Variants in SH3BGRL2 observed in about 807,000 individuals in gnomAD.
SH3BGRL2 encodes the protein SH3 domain-binding glutamic acid-rich-like protein 2.
In SH3BGRL2, 21 loss-of-function variants were observed where a neutral mutation model predicts 14.8. The observed-to-expected ratio is 1.42, with a 90% CI of 1.01 to 2.05. The LOEUF is 2.05. SH3BGRL2 is among the 30% of genes most tolerant of loss of function. SH3BGRL2 has a pLI of 0.00. For synonymous variants in SH3BGRL2, 50 were observed against 47.8 expected (o/e 1.05, Z -0.19); for missense variants, 147 against 130.8 (o/e 1.12, Z -0.61).
At chr6:79,641,617 G>C (rs867997266) in intron 1 of SH3BGRL2, among the ~76,000 whole-genome samples, 78 of 152,156 alleles carry the variant, frequency 5.1e-4, no homozygotes, top group African/African-American at 1.8e-3. Context: ...GCATAGAAAA[G>C]CTCTTATGAG....
At chr6:79,552,801 A>G in the SH3BGRL2 span, 1 of 152,368 alleles carries the variant, frequency 6.6e-6, no homozygotes, top group South Asian at 2.1e-4. Flanking sequence ...CCTTTGGGAA[A>G]GTTCTCAGAT....
chr6:79,563,956 A>G, the SH3BGRL2 span, among the ~76,000 whole-genome samples: 1 of 152,226 alleles, frequency 6.6e-6, no homozygotes, highest in African/African-American at 2.4e-5. Flanking sequence ...CTGAAGCTGG[A>G]AAAGCTGTGC....
At position 79,657,817 on chromosome 6, in the gene SH3BGRL2, A is replaced by G. The variant is rs1038442352; in HGVS notation, c.46-15797A>G. On this transcript the variant is annotated intron_variant, in intron 1 of 3. Transcript: ENST00000369838. ...TTTTAAATTTTAATTTGCTTCTAGT[A>G]TTATCCTACTTAGCCATTTTTAAAT... 2.0e-5 allele frequency among the ~76,000 whole-genome samples: 3 copies of G among 152,100 alleles called. No individual in the cohort carries two copies. The South Asian group carries it at 6.2e-4, about 32-fold the overall frequency.
At chr6:79,585,872 C>T in the SH3BGRL2 span, among the ~76,000 whole-genome samples, 1 of 151,728 alleles carries the variant, frequency 6.6e-6, no homozygotes, top group Non-Finnish European at 1.5e-5. Flanking sequence ...TGAATGCAGC[C>T]CAACACAAAT....
intron 1 of SH3BGRL2, among the ~76,000 whole-genome samples, chr6:79,636,843 A>G (rs1394284): frequency 0.3 from 46,216 of 151,972 alleles, 7,634 homozygotes; most frequent in South Asian, 0.45. Context: ...CTGTTTTTAT[A>G]AGGACACAGC....
chr6:79,649,081 A>C (rs1364030358), intron 1 of SH3BGRL2, among the ~76,000 whole-genome samples: 1 of 152,200 alleles, frequency 6.6e-6, no homozygotes, highest in African/African-American at 2.4e-5. Flanking sequence ...CTGTTAATGA[A>C]ACAGGCAGAA....
chr6:79,656,502 G>A lies in SH3BGRL2; in HGVS notation c.46-17112G>A, dbSNP rs138651025. On this transcript the variant is annotated intron_variant, in intron 1 of 3. Coordinates refer to ENST00000369838, the MANE Select transcript of SH3BGRL2 (RefSeq NM_031469.4). ...ATGTGGAAAATACTCCTGGGACGAC[G>A]TATCACAATACATAAAAGGACCATA... Among the ~76,000 whole-genome samples, 278 of 152,192 alleles carry A rather than the reference G, an allele frequency of 1.8e-3. 4 individuals carry two copies. Among genetic ancestry groups the A allele is most frequent in the East Asian group, 2.1e-3 (11 of 5,172 alleles).
At chr6:79,545,657 G>A in the SH3BGRL2 span, among the ~76,000 whole-genome samples, 1 of 152,136 alleles carries the variant, frequency 6.6e-6, no homozygotes, top group Admixed American at 6.5e-5. Context: ...AAAGCATGGA[G>A]GACCTGCATA....
the SH3BGRL2 span, among the ~76,000 whole-genome samples, chr6:79,571,367 A>G: frequency 6.6e-6 from 1 of 152,226 alleles, no homozygotes; most frequent in Non-Finnish European, 1.5e-5. Context: ...CTTTTATTAG[A>G]TTATAAACAC....
At chr6:79,684,193 C>G (rs1582736734) in intron 2 of SH3BGRL2, among the ~76,000 whole-genome samples, 1 of 152,246 alleles carries the variant, frequency 6.6e-6, no homozygotes, top group Middle Eastern at 3.4e-3. Flanking sequence ...CCTCATATAC[C>G]CAGTTGATTA....
At chr6:79,628,555 C>T (rs965071207), upstream of SH3BGRL2, among the ~76,000 whole-genome samples, 2 of 152,256 alleles carry the variant, frequency 1.3e-5, no homozygotes, top group South Asian at 2.1e-4. Flanking sequence ...ATCTAATACT[C>T]TCTGTGGTCT....
chr6:79,595,918 A>G, the SH3BGRL2 span, among the ~76,000 whole-genome samples: 4 of 152,194 alleles, frequency 2.6e-5, no homozygotes, highest in Admixed American at 2.0e-4. Flanking sequence ...TGTATTTAGA[A>G]AATCCTACGG....
chr6:79,610,250 A>G, the SH3BGRL2 span, among the ~76,000 whole-genome samples: 2 of 152,228 alleles, frequency 1.3e-5, no homozygotes, highest in Admixed American at 6.5e-5. Context: ...ATAACCTTGC[A>G]TAGTCTCTTA....
chr6:79,577,609 A>G, the SH3BGRL2 span, among the ~76,000 whole-genome samples: 1 of 152,224 alleles, frequency 6.6e-6, no homozygotes, highest in African/African-American at 2.4e-5. Flanking sequence ...GACAAAAAAA[A>G]TAAAGCTGCT....
chr6:79,590,424 G>GATGTATAT, the SH3BGRL2 span, among the ~76,000 whole-genome samples: 1 of 66,666 alleles, frequency 1.5e-5, no homozygotes, highest in Non-Finnish European at 2.7e-5. Flanking sequence ...AAGAAAATGT[G>GATGTATAT]ATATATATAT....
the SH3BGRL2 span, among the ~76,000 whole-genome samples, chr6:79,588,744 A>T: frequency 2.0e-5 from 3 of 150,240 alleles, no homozygotes; most frequent in East Asian, 5.8e-4. Context: ...AAGTGACTGT[A>T]TCATAAATAA....
At chr6:79,595,722 A>G in the SH3BGRL2 span, among the ~76,000 whole-genome samples, 11 of 152,212 alleles carry the variant, frequency 7.2e-5, no homozygotes, top group African/African-American at 2.2e-4. Context: ...GTCATACTTA[A>G]TGGTAAAAGA....
chr6:79,699,801 A>G lies in SH3BGRL2; in HGVS notation c.*292A>G, dbSNP rs2127740905. 2.5e-6 allele frequency: 1 copy of G among 394,084 alleles called. No individual in the cohort carries two copies. Among genetic ancestry groups the G allele is most frequent in the Admixed American group, 4.2e-5 (1 of 24,084 alleles). 24.4% of individuals were successfully genotyped at this position (394,084 alleles called of 1,614,324 possible). A position where few individuals can be genotyped will look rare whatever the true frequency, so the allele number is the denominator to read the frequency against. On this transcript the variant is annotated 3_prime_UTR_variant, in exon 4 of 4. Coordinates refer to ENST00000369838, the MANE Select transcript of SH3BGRL2 (RefSeq NM_031469.4). ...TGTACTTTCTTAATGACTGAAAGAT[A>G]AGTGGGTAGCACCGTCAGAGAGAAA...
chr6:79,674,364 GC>G (rs1298090807), intron 2 of SH3BGRL2, among the ~76,000 whole-genome samples: 2 of 151,998 alleles, frequency 1.3e-5, no homozygotes, highest in Non-Finnish European at 2.9e-5. Flanking sequence ...TATATCAGGT[GC>G]TTTCCTGCTG....
Sources: gnomAD v4.1 joint callset for allele counts (sites outside exome capture counted in the v4.1 genomes callset) on GRCh38, gnomAD v4.1.1 for gene constraint, MANE v1.5 for transcripts, NCBI Gene and HGNC (gene_info 2026-07-23, HGNC 2026-07-21) for gene names.